The following DYSF variants were observed in gnomAD, a reference collection of about 807,000 sequenced individuals.
DYSF encodes the protein dystrophy-associated fer-1-like 1.
DYSF carries 212 observed loss-of-function variants against 274.9 expected under a neutral mutation model. That is an observed-to-expected ratio of 0.77 (90% CI 0.69 to 0.86). The LOEUF is 0.86. DYSF is among the 40% of genes least tolerant of loss of function. The pLI, the probability that DYSF is intolerant of heterozygous loss-of-function variation, is 0.00. For synonymous variants in DYSF, 1,091 were observed against 1,078.7 expected (o/e 1.01, Z -0.22); for missense variants, 2,666 against 2,783.2 (o/e 0.96, Z 0.95).
At chr2:71,667,766 A>AG (rs888910309) in intron 48 of DYSF, among the ~76,000 whole-genome samples, 5 of 152,094 alleles carry the variant, frequency 3.3e-5, no homozygotes, top group Non-Finnish European at 7.4e-5. Context: ...TCACCCCTGT[A>AG]GGCCTGGCCT....
intron 41 of DYSF, among the ~76,000 whole-genome samples, chr2:71,642,600 C>T (rs996791780): frequency 3.9e-5 from 6 of 152,186 alleles, no homozygotes; most frequent in Admixed American, 2.0e-4. Flanking sequence ...GAAGACCCTC[C>T]GGGTAAGTGG....
chr2:71,589,992 C>G (rs894698232), intron 31 of DYSF, among the ~76,000 whole-genome samples: 4 of 152,186 alleles, frequency 2.6e-5, no homozygotes, highest in Non-Finnish European at 5.9e-5. Context: ...TCTCTTCTCC[C>G]CAGCCCTAGG....
At chr2:71,524,224 C>T (rs1243625962) in intron 12 of DYSF, among the ~76,000 whole-genome samples, 2 of 152,142 alleles carry the variant, frequency 1.3e-5, no homozygotes, top group Non-Finnish European at 2.9e-5. Flanking sequence ...TCCTTTGGGC[C>T]ACCACCCAGC....
Position 71,553,864 on chromosome 2 carries a change from C to T in DYSF, c.2042C>T (p.Ser681Phe). The stretch of plus-strand genomic sequence containing the variant: ...GTGAAACCTGTGGTGGTGCTGTCAT[C>T]CTACTGGGAGGACATCAGCCATAGA... ...GNVKPVVVLSSYWEDISHRIE... is the reference protein window; with the variant it reads ...GNVKPVVVLSFYWEDISHRIE... Residue 681 changes from serine to phenylalanine, a missense_variant, in exon 21 of 56, where the codon TCC becomes TTC. Ser to Phe is a radical substitution (Grantham distance 155). This residue lies in a region of DYSF where 412 missense variants were observed against 504.0 expected (regional missense o/e 0.82). Transcript: ENST00000410020. The T allele has an allele frequency of 6.2e-7, 1 of 1,607,686 alleles. No individual in the cohort carries two copies. Among genetic ancestry groups the T allele is most frequent in the Non-Finnish European group, 8.5e-7 (1 of 1,176,006 alleles).
chr2:71,511,151 A>C (rs532891021), intron 4 of DYSF, among the ~76,000 whole-genome samples: 1 of 151,946 alleles, frequency 6.6e-6, no homozygotes, highest in East Asian at 1.9e-4. Flanking sequence ...GGGCAACCCG[A>C]CCTCGCCTGT....
chr2:71,514,740 G>T (rs1258108924), intron 7 of DYSF, among the ~76,000 whole-genome samples: 1 of 152,060 alleles, frequency 6.6e-6, no homozygotes, highest in African/African-American at 2.4e-5. Context: ...CTAAATCATG[G>T]TAATTTAAGC....
chr2:71,636,739 G>A (rs1050833858), intron 41 of DYSF, among the ~76,000 whole-genome samples: 4 of 152,160 alleles, frequency 2.6e-5, no homozygotes, highest in African/African-American at 9.7e-5. Context: ...GACCCAGGGA[G>A]AACCCAAGGG....
At chr2:71,551,270 C>T in intron 18 of DYSF, 114 bp downstream of exon 18, 2 of 1,058,600 alleles carry the variant, frequency 1.9e-6, no homozygotes, top group Admixed American at 1.9e-5. Context: ...GACCTGGCAG[C>T]CAACCCCTCA....
intron 1 of DYSF, among the ~76,000 whole-genome samples, chr2:71,468,297 T>C (rs1428466633): frequency 6.6e-6 from 1 of 152,198 alleles, no homozygotes; most frequent in East Asian, 1.9e-4. Flanking sequence ...TAACACTCGT[T>C]TGGGTCTGCT....
chr2:71,528,261 AGCAG>A, intron 13 of DYSF, 33 bp from the exon 14 acceptor site: 1 of 1,575,354 alleles, frequency 6.3e-7, no homozygotes, highest in Non-Finnish European at 8.7e-7. Context: ...GAGGAGAGAC[AGCAG>A]GCAGGCAGTG....
At chr2:71,592,192 G>A (rs753095881) in intron 32 of DYSF, among the ~76,000 whole-genome samples, 7 of 152,282 alleles carry the variant, frequency 4.6e-5, no homozygotes, top group Middle Eastern at 3.4e-3. Context: ...TGGGCCCTGC[G>A]GGCCGAGCAC....
At chr2:71,582,868 G>A (rs550089648) in intron 30 of DYSF, among the ~76,000 whole-genome samples, 1 of 151,856 alleles carries the variant, frequency 6.6e-6, no homozygotes, top group East Asian at 1.9e-4. Flanking sequence ...CAGAGATAAC[G>A]GGAAAAGGTA....
At chr2:71,678,058 A>G (rs2095248673) in intron 52 of DYSF, among the ~76,000 whole-genome samples, 1 of 152,232 alleles carries the variant, frequency 6.6e-6, no homozygotes, top group Non-Finnish European at 1.5e-5. Flanking sequence ...GGATTTTGGA[A>G]TAATTGCATA....
At chr2:71,563,221 T>C (rs1005615398) in intron 23 of DYSF, among the ~76,000 whole-genome samples, 6 of 152,196 alleles carry the variant, frequency 3.9e-5, no homozygotes, top group Admixed American at 1.3e-4. Flanking sequence ...CTGCATTGGC[T>C]CCTAAGCTCT....
At chr2:71,476,841 A>G (rs1012124224) in intron 1 of DYSF, among the ~76,000 whole-genome samples, 1 of 130,112 alleles carries the variant, frequency 7.7e-6, no homozygotes, top group Non-Finnish European at 1.6e-5. Context: ...TTTTTTTTCC[A>G]TGGAATACTG....
At chr2:71,473,371 G>A (rs1248798142) in intron 1 of DYSF, among the ~76,000 whole-genome samples, 1 of 152,144 alleles carries the variant, frequency 6.6e-6, no homozygotes, top group Non-Finnish European at 1.5e-5. Context: ...TTCTAATGGG[G>A]CCGTCAAGAA....
At chr2:71,663,203 G>A (rs542588219) in intron 45 of DYSF, among the ~76,000 whole-genome samples, 198 of 152,248 alleles carry the variant, frequency 1.3e-3, no homozygotes, top group Non-Finnish European at 2.3e-3. Flanking sequence ...CTGTCATCCG[G>A]GTACTCTCTG....
intron 5 of DYSF, among the ~76,000 whole-genome samples, chr2:71,512,398 G>T (rs2086193233): frequency 6.6e-6 from 1 of 152,244 alleles, no homozygotes; most frequent in Non-Finnish European, 1.5e-5. Context: ...CTGAACTTCA[G>T]GGTTCCAGTC....
chr2:71,631,714 G>T (rs916010153), intron 41 of DYSF, among the ~76,000 whole-genome samples: 2 of 152,022 alleles, frequency 1.3e-5, no homozygotes, highest in African/African-American at 4.8e-5. Flanking sequence ...CATACTTCAC[G>T]GTCTCTCCTG....
Sources: allele counts gnomAD v4.1 joint callset (sites outside exome capture counted in the v4.1 genomes callset), GRCh38; gene constraint gnomAD v4.1.1; regional missense constraint gnomAD v4.1.1; transcripts MANE v1.5; gene names NCBI Gene and HGNC (gene_info 2026-07-23, HGNC 2026-07-21).